GLB1L2: variants seen among roughly 807,000 people sequenced by gnomAD.
The protein encoded by GLB1L2 is beta-galactosidase-1-like protein 2.
GLB1L2 carries 68 observed loss-of-function variants against 84.1 expected under a neutral mutation model. The ratio of observed to expected loss-of-function variants is 0.81; its 90% CI spans 0.67 to 0.99. The LOEUF is 0.99. Among genes scored for constraint, GLB1L2 ranks in the 50% least tolerant of loss-of-function variants. The pLI is 0.00. For missense variants in GLB1L2, 762 were observed against 805.6 expected (o/e 0.95, Z 0.66); for synonymous variants, 290 against 318.0 (o/e 0.91, Z 0.94).
At position 134,371,076 on chromosome 11, in the gene GLB1L2, C is replaced by G. The variant is rs764919690; in HGVS notation, c.1284C>G (p.Phe428Leu). Residue 428 changes from phenylalanine to leucine, a missense_variant, in exon 13 of 19, where the codon TTC (phenylalanine) becomes TTG (leucine). Physicochemically the swap from Phe to Leu is conservative, Grantham distance 22. This residue lies in a region of GLB1L2 where 603 missense variants were observed against 611.7 expected (regional missense o/e 0.99). Transcript: ENST00000535456. ...TCAATGGGGGAAATGGACAGTCCTT[C>G]GGGTACATTCTCTATGAGACCAGCA... ...LPVNGGNGQS[F>L]GYILYETSIT... 6.2e-7 allele frequency: 1 copy of G among 1,614,126 alleles called. No homozygotes were observed. Among genetic ancestry groups the G allele is most frequent in the South Asian group, 1.1e-5 (1 of 91,076 alleles).
rs747121268 is a variant in GLB1L2, at chr11:134,371,526, C to A, written c.1428+34C>A. 6 of 1,307,000 alleles carry A rather than the reference C, an allele frequency of 4.6e-6. No individual in the cohort carries two copies. In the African/African-American group the frequency reaches 8.7e-5, roughly 19 times the overall value. 81.0% of individuals were successfully genotyped at this position (1,307,000 alleles called of 1,614,324 possible). A position where few individuals can be genotyped will look rare whatever the true frequency, so the allele number is the denominator to read the frequency against. On this transcript the variant is annotated intron_variant, in intron 14 of 18. Coordinates refer to ENST00000535456, the MANE Select transcript of GLB1L2 (RefSeq NM_001370461.1). ...TTTTTGGGAGCTGGGTGATGGCTAG[C>A]CCCCGCTGCTTCGAGGAAGTCTGGG...
intron 6 of GLB1L2, among the ~76,000 whole-genome samples, chr11:134,356,718 C>A (rs1943707962): frequency 6.6e-6 from 1 of 152,218 alleles, no homozygotes; most frequent in African/African-American, 2.4e-5. Flanking sequence ...CCAGCCCAGG[C>A]TGCACACTGG....
At chr11:134,348,837 G>A (rs1344221719) in intron 5 of GLB1L2, among the ~76,000 whole-genome samples, 1 of 152,134 alleles carries the variant, frequency 6.6e-6, no homozygotes, top group Non-Finnish European at 1.5e-5. Context: ...CCCCTTCCAG[G>A]GCATATACGG....
intron 5 of GLB1L2, among the ~76,000 whole-genome samples, chr11:134,348,998 G>A (rs1184976229): frequency 6.6e-6 from 1 of 152,140 alleles, no homozygotes; most frequent in Admixed American, 6.5e-5. Context: ...TCACAGTGGG[G>A]GTTAGGATTT....
At chr11:134,358,485 C>T (rs1461122485) in intron 6 of GLB1L2, among the ~76,000 whole-genome samples, 2 of 152,276 alleles carry the variant, frequency 1.3e-5, no homozygotes, top group Admixed American at 6.5e-5. Flanking sequence ...GCGTTTCTTC[C>T]ACTTCACTCT....
At chr11:134,346,984 A>C in intron 4 of GLB1L2, 1 of 253,534 alleles carries the variant, frequency 3.9e-6, no homozygotes, top group Admixed American at 4.6e-5. Context: ...TTTTGACTTC[A>C]CTTTTTGAAA....
At chr11:134,342,569 C>A (rs1174625074) in intron 1 of GLB1L2, among the ~76,000 whole-genome samples, 185 bp from the exon 2 acceptor site, 6 of 152,346 alleles carry the variant, frequency 3.9e-5, no homozygotes, top group Non-Finnish European at 8.8e-5. Context: ...CCTTCCCCTG[C>A]CGCGGGGCCC....
At chr11:134,341,732 G>A (rs921131056) in intron 1 of GLB1L2, among the ~76,000 whole-genome samples, 1 of 152,188 alleles carries the variant, frequency 6.6e-6, no homozygotes, top group South Asian at 2.1e-4. Flanking sequence ...AAATTCCCAA[G>A]AGGCTGGCGA....
intron 5 of GLB1L2, among the ~76,000 whole-genome samples, chr11:134,350,027 T>C (rs1943604767): frequency 6.6e-6 from 1 of 152,156 alleles, no homozygotes; most frequent in Non-Finnish European, 1.5e-5. Flanking sequence ...TGCTCTCCTC[T>C]CCTTAAGCAG....
chr11:134,370,418 C>T lies in GLB1L2; in HGVS notation c.1215+19C>T. 6.3e-7 allele frequency: 1 copy of T among 1,589,030 alleles called. No individual in the cohort carries two copies. Among genetic ancestry groups the T allele is most frequent in the Non-Finnish European group, 8.6e-7 (1 of 1,159,324 alleles). ...GGGGGAGGTGAGTGCTGTGGGCAGT[C>T]ATCGGGAGGTGAGTGAGTGCCGGGG... On this transcript the variant is annotated intron_variant, in intron 12 of 18. Transcript: ENST00000535456. The surrounding 1 kb of genome is among the most constrained non-coding windows in gnomAD (Gnocchi z 4.7).
chr11:134,344,362 C>G, intron 2 of GLB1L2, 25 bp from the exon 3 acceptor site: 1 of 1,613,450 alleles, frequency 6.2e-7, no homozygotes, highest in Non-Finnish European at 8.5e-7. Context: ...CATGCTCTAG[C>G]CTATAATTAT....
intron 8 of GLB1L2, chr11:134,364,656 G>A: frequency 2.3e-6 from 1 of 442,364 alleles, no homozygotes; most frequent in Non-Finnish European, 4.0e-6. Flanking sequence ...CACTCCTAGA[G>A]GACTCGACTT....
intron 1 of GLB1L2, 25 bp from the exon 2 acceptor site, chr11:134,342,729 C>G (rs1268503845): frequency 6.2e-7 from 1 of 1,607,562 alleles, no homozygotes; most frequent in Non-Finnish European, 8.5e-7. Context: ...AGCCTCCAGG[C>G]TCCAGAATGT....
intron 3 of GLB1L2, among the ~76,000 whole-genome samples, chr11:134,344,727 G>GGT (rs1943522287): frequency 2.0e-5 from 3 of 152,236 alleles, no homozygotes; most frequent in African/African-American, 4.8e-5. Flanking sequence ...CATGGGGTCC[G>GGT]GCCGCTGGGC....
intron 6 of GLB1L2, among the ~76,000 whole-genome samples, chr11:134,357,095 T>C (rs1943714113): frequency 6.6e-6 from 1 of 152,196 alleles, no homozygotes; most frequent in African/African-American, 2.4e-5. Flanking sequence ...AAGACCTTGA[T>C]GGAATCATTG....
chr11:134,332,149 TGA>T lies in GLB1L2; in HGVS notation c.86+10_86+11del. ...CTTGGGCTTCCTGGTGCTCCGCAGG[TGA>T]GAGAGAGCTTCGCGCAGCACCTGCC... On this transcript the variant is annotated splice_donor_region_variant and intron_variant, in intron 1 of 18. Coordinates refer to ENST00000535456, the MANE Select transcript of GLB1L2 (RefSeq NM_001370461.1). The T allele has an allele frequency of 6.4e-7, 1 of 1,563,884 alleles. No individual in the cohort carries two copies. The highest frequency in any genetic ancestry group is 1.8e-4 in the Middle Eastern group (1 of 5,428).
chr11:134,373,198 G>A (rs768640385), intron 15 of GLB1L2, among the ~76,000 whole-genome samples: 5 of 152,174 alleles, frequency 3.3e-5, no homozygotes, highest in South Asian at 2.1e-4. Context: ...GGGCTGGCCC[G>A]GCCCCGGGAC....
intron 15 of GLB1L2, among the ~76,000 whole-genome samples, chr11:134,372,123 CTGCT>C (rs1355405371): frequency 2.6e-5 from 4 of 152,202 alleles, no homozygotes; most frequent in Non-Finnish European, 5.9e-5. Context: ...GCAAGGATGT[CTGCT>C]TGGGGGGGCG....
At chr11:134,363,209 G>A (rs1009023020) in intron 7 of GLB1L2, among the ~76,000 whole-genome samples, 1 of 152,194 alleles carries the variant, frequency 6.6e-6, no homozygotes, top group Non-Finnish European at 1.5e-5. Flanking sequence ...GCAGAGCTAT[G>A]GTATGGTGTC....
Sources: allele counts gnomAD v4.1 joint callset (sites outside exome capture counted in the v4.1 genomes callset), GRCh38; gene constraint gnomAD v4.1.1; regional missense constraint gnomAD v4.1.1; non-coding constraint Gnocchi (gnomAD v3.1); transcripts MANE v1.5; gene names NCBI Gene and HGNC (gene_info 2026-07-23, HGNC 2026-07-21).